Variants in B3GALNT2 observed in about 807,000 individuals in gnomAD.
B3GALNT2 encodes beta-1,3-N-acetylgalactosaminyltransferase 2.
B3GALNT2 carries 53 observed loss-of-function variants against 61.1 expected under a neutral mutation model. That is an observed-to-expected ratio of 0.87 (90% CI 0.70 to 1.09). B3GALNT2 has a LOEUF of 1.09. Ranked by LOEUF, B3GALNT2 falls within the 50% of genes least tolerant of loss-of-function variation. The pLI, the probability that B3GALNT2 is intolerant of heterozygous loss-of-function variation, is 0.00. For missense variants in B3GALNT2, 544 were observed against 623.0 expected (o/e 0.87, Z 1.35); for synonymous variants, 223 against 237.4 (o/e 0.94, Z 0.56).
At position 235,465,773 on chromosome 1, in the gene B3GALNT2, T is replaced by C; in HGVS notation, c.763-59A>G. 3 of 1,585,332 alleles carry C rather than the reference T, an allele frequency of 1.9e-6. No individual in the cohort carries two copies. In the South Asian group the frequency reaches 3.4e-5, roughly 18 times the overall value. On this transcript the variant is annotated intron_variant, in intron 6 of 11. Coordinates refer to ENST00000366600, the MANE Select transcript of B3GALNT2 (RefSeq NM_152490.5). The stretch of plus-strand genomic sequence containing the variant: ...TACTAAAAATACACTGATCATATTT[T>C]AAAATCGATTTGACAAAAATCATAA...
chr1:235,459,921 G>A (rs1208357601), intron 7 of B3GALNT2, among the ~76,000 whole-genome samples: 3 of 151,666 alleles, frequency 2.0e-5, no homozygotes, highest in Non-Finnish European at 4.4e-5. Context: ...AGCCTCCCGA[G>A]TAGCTGGGAT....
At chr1:235,462,951 T>A (rs772108918) in intron 7 of B3GALNT2, among the ~76,000 whole-genome samples, 4 of 152,194 alleles carry the variant, frequency 2.6e-5, no homozygotes, top group Non-Finnish European at 5.9e-5. Flanking sequence ...CAGCATAATT[T>A]GCAACTGCAA....
Position 235,489,275 on chromosome 1 carries a change from G to C in B3GALNT2, c.261-7C>G. 6.2e-7 allele frequency: 1 copy of C among 1,613,054 alleles called. No homozygotes were observed. On this transcript the variant is annotated splice_polypyrimidine_tract_variant and splice_region_variant and intron_variant, in intron 2 of 11. Coordinates refer to ENST00000366600, the MANE Select transcript of B3GALNT2 (RefSeq NM_152490.5). ...TATGAACTTCACAAGCACACTGAGA[G>C]ATGTGTTGGCATTAACATCAGTTAC...
intron 7 of B3GALNT2, 116 bp downstream of exon 7, chr1:235,465,519 AT>A: frequency 6.9e-7 from 1 of 1,452,572 alleles, no homozygotes; most frequent in Non-Finnish European, 9.2e-7. Flanking sequence ...AAAAGGGTGA[AT>A]TTTATCTGAA....
the B3GALNT2 span, chr1:235,441,633 C>T: frequency 1.6e-6 from 1 of 607,042 alleles, no homozygotes. Flanking sequence ...GAAGATTCTG[C>T]CCTTGGAAGT....
At chr1:235,479,114 C>T (rs1684437418) in intron 5 of B3GALNT2, 2 of 152,140 alleles carry the variant, frequency 1.3e-5, no homozygotes, top group African/African-American at 4.8e-5. Flanking sequence ...ACTACTTGTA[C>T]TCAATTCCAA....
Position 235,504,254 on chromosome 1 carries a change from G to A in B3GALNT2, c.-2C>T. ...CAGCAGCACCAGCCAGTTTCGCATTGGCCGCCCCCGCCGCGAGCCGGGCTC... is the reference window on the plus strand; with the variant it reads ...CAGCAGCACCAGCCAGTTTCGCATTAGCCGCCCCCGCCGCGAGCCGGGCTC... On this transcript the variant is annotated 5_prime_UTR_variant, in exon 1 of 12. Coordinates refer to ENST00000366600, the MANE Select transcript of B3GALNT2 (RefSeq NM_152490.5). The A allele has an allele frequency of 1.3e-6, 2 of 1,486,324 alleles. No individual in the cohort carries two copies. Among genetic ancestry groups the A allele is most frequent in the South Asian group, 1.2e-5 (1 of 80,414 alleles). 92.1% of individuals were successfully genotyped at this position (1,486,324 alleles called of 1,614,324 possible).
chr1:235,485,331 T>C (rs291389), intron 3 of B3GALNT2, among the ~76,000 whole-genome samples: 68,332 of 152,110 alleles, frequency 0.45, 16,007 homozygotes, highest in Non-Finnish European at 0.5. Flanking sequence ...TTTATTTCTT[T>C]TTTTGAGACA....
At chr1:235,458,254 T>C (rs570218553) in intron 8 of B3GALNT2, among the ~76,000 whole-genome samples, 1 of 152,280 alleles carries the variant, frequency 6.6e-6, no homozygotes, top group African/African-American at 2.4e-5. Context: ...TTTATCAAAA[T>C]AAAGTGGCAG....
chr1:235,443,678 T>C (rs1306891699), downstream of B3GALNT2, among the ~76,000 whole-genome samples: 1 of 152,006 alleles, frequency 6.6e-6, no homozygotes, highest in Non-Finnish European at 1.5e-5. Context: ...TTACGGGAGG[T>C]TTGTGACTTT....
At chr1:235,489,034 A>G in intron 3 of B3GALNT2, 134 bp downstream of exon 3, 1 of 1,222,712 alleles carries the variant, frequency 8.2e-7, no homozygotes, top group Non-Finnish European at 1.1e-6. Context: ...TAGGCGACAG[A>G]GCAAGACCCT....
At position 235,458,673 on chromosome 1, in the gene B3GALNT2, C is replaced by T; in HGVS notation, c.955G>A (p.Asp319Asn). 6.2e-7 allele frequency: 1 copy of T among 1,612,976 alleles called. No homozygotes were observed. Among genetic ancestry groups the T allele is most frequent in the Non-Finnish European group, 8.5e-7 (1 of 1,179,560 alleles). ...LLKEESSIYD[D>N]IVFVDVVDTY... ...TCGACAACATCCACAAAAACAATAT[C>T]ATCATAGATGCTGCTTTCCTCCTTC... is the stretch of plus-strand genomic sequence containing the variant. Residue 319 changes from aspartate to asparagine, a missense_variant, in exon 8 of 12, where the codon GAT becomes AAT. Coordinates refer to ENST00000366600, the MANE Select transcript of B3GALNT2 (RefSeq NM_152490.5).
At chr1:235,489,075 TA>T (rs1684939102) in intron 3 of B3GALNT2, 92 bp downstream of exon 3, 10 of 1,417,800 alleles carry the variant, frequency 7.1e-6, no homozygotes, top group Admixed American at 2.6e-5. Context: ...AATAAAATAA[TA>T]AAAAATAAAA....
intron 11 of B3GALNT2, chr1:235,451,816 G>C (rs1682920033): frequency 2.0e-5 from 3 of 152,194 alleles, no homozygotes; most frequent in Admixed American, 6.5e-5. Flanking sequence ...AGAAATCTCT[G>C]AAGCTAAAGC....
At chr1:235,462,740 C>T (rs1381907634) in intron 7 of B3GALNT2, among the ~76,000 whole-genome samples, 1 of 152,168 alleles carries the variant, frequency 6.6e-6, no homozygotes, top group Non-Finnish European at 1.5e-5. Context: ...AGACTTAATA[C>T]TGTTAACACG....
downstream of B3GALNT2, among the ~76,000 whole-genome samples, chr1:235,445,002 A>G (rs564293896): frequency 7.4e-4 from 112 of 152,338 alleles, no homozygotes; most frequent in African/African-American, 2.6e-3. Context: ...CTGGTATCCC[A>G]GGTCTTCTGA....
chr1:235,453,702 G>A (rs540824944), intron 10 of B3GALNT2, among the ~76,000 whole-genome samples: 11 of 152,150 alleles, frequency 7.2e-5, no homozygotes, highest in East Asian at 5.8e-4. Context: ...CTGCCTTGGC[G>A]TCCGAAAGTG....
chr1:235,471,518 G>C (rs900566077), intron 5 of B3GALNT2, among the ~76,000 whole-genome samples: 38 of 152,154 alleles, frequency 2.5e-4, no homozygotes, highest in African/African-American at 8.9e-4. Flanking sequence ...ACTGCTTTTT[G>C]AAAGCAACTT....
chr1:235,453,387 C>A (rs1683018908), intron 10 of B3GALNT2, among the ~76,000 whole-genome samples: 1 of 152,040 alleles, frequency 6.6e-6, no homozygotes, highest in South Asian at 2.1e-4. Flanking sequence ...TTCTCATGTA[C>A]CTTAAGCTTC....
Sources: gnomAD v4.1 joint callset for allele counts (sites outside exome capture counted in the v4.1 genomes callset) on GRCh38, gnomAD v4.1.1 for gene constraint, MANE v1.5 for transcripts, NCBI Gene and HGNC (gene_info 2026-07-23, HGNC 2026-07-21) for gene names.